GIPC2: variants seen among roughly 807,000 people sequenced by gnomAD.
GIPC2 encodes PDZ domain-containing protein GIPC2.
GIPC2 carries 30 observed loss-of-function variants against 30.6 expected under a neutral mutation model. The observed-to-expected ratio is 0.98, with a 90% CI of 0.73 to 1.33. GIPC2 has a LOEUF of 1.33. GIPC2 is among the 40% of genes most tolerant of loss of function. The pLI is 0.00. For missense variants in GIPC2, 414 were observed against 390.3 expected (o/e 1.06, Z -0.51); for synonymous variants, 167 against 150.0 (o/e 1.11, Z -0.83).
intron 3 of GIPC2, among the ~76,000 whole-genome samples, chr1:78,106,234 C>CAAA: frequency 1.9e-5 from 1 of 52,812 alleles, no homozygotes; most frequent in African/African-American, 6.7e-5. Flanking sequence ...GACTCTGTCT[C>CAAA]AAAAAAAAAA....
chr1:78,100,940 ATACACACACACACACACACAC>A (rs1662236752), intron 3 of GIPC2, among the ~76,000 whole-genome samples: 3 of 113,484 alleles, frequency 2.6e-5, no homozygotes, highest in Non-Finnish European at 5.4e-5. Context: ...AAAAAAAAAA[ATACACACACACACACACACAC>A]ACACACACAC....
At chr1:78,055,961 A>T (rs924601647) in intron 1 of GIPC2, among the ~76,000 whole-genome samples, 1 of 152,158 alleles carries the variant, frequency 6.6e-6, no homozygotes. Flanking sequence ...TGTTCTCTTT[A>T]TCTGGAAATC....
intron 5 of GIPC2, among the ~76,000 whole-genome samples, chr1:78,134,073 G>A (rs1249270328): frequency 6.6e-6 from 1 of 152,080 alleles, no homozygotes; most frequent in African/African-American, 2.4e-5. Flanking sequence ...TGGTATTTAA[G>A]AACCAAGATT....
chr1:78,135,463 T>C, intron 5 of GIPC2, 129 bp from the exon 6 acceptor site: 1 of 610,736 alleles, frequency 1.6e-6, no homozygotes, highest in East Asian at 2.8e-5. Flanking sequence ...AATTTGCATT[T>C]AATTTTGCAT....
chr1:78,056,068 C>A (rs1318268747), intron 1 of GIPC2, among the ~76,000 whole-genome samples: 1 of 152,170 alleles, frequency 6.6e-6, no homozygotes, highest in Admixed American at 6.5e-5. Context: ...GGGTTCTGTG[C>A]CTATCCTCTA....
chr1:78,091,566 A>T (rs1219719212), intron 2 of GIPC2: 4 of 757,116 alleles, frequency 5.3e-6, no homozygotes, highest in African/African-American at 5.1e-5. Flanking sequence ...TTCAGCGGCA[A>T]CCTCTCGGCC....
At chr1:78,122,513 C>A (rs1662700420) in intron 4 of GIPC2, among the ~76,000 whole-genome samples, 1 of 152,178 alleles carries the variant, frequency 6.6e-6, no homozygotes, top group South Asian at 2.1e-4. Context: ...GAAGGGGAAG[C>A]AAGGCACGTC....
chr1:78,100,927 C>CAAA (rs111747897), intron 3 of GIPC2, among the ~76,000 whole-genome samples: 4 of 98,534 alleles, frequency 4.1e-5, no homozygotes, highest in African/African-American at 1.4e-4. Flanking sequence ...GAGACCCTGT[C>CAAA]AAAAAAAAAA....
chr1:78,053,320 A>G (rs1661227999), intron 1 of GIPC2, among the ~76,000 whole-genome samples: 2 of 152,198 alleles, frequency 1.3e-5, no homozygotes, highest in South Asian at 2.1e-4. Flanking sequence ...ATTCCTGGTC[A>G]TAGAATTGCA....
intron 1 of GIPC2, among the ~76,000 whole-genome samples, chr1:78,074,017 C>T (rs1201347712): frequency 2.0e-5 from 3 of 152,108 alleles, no homozygotes; most frequent in Non-Finnish European, 4.4e-5. Context: ...GCAAGTTATT[C>T]TTCAACAACA....
intron 5 of GIPC2, 72 bp downstream of exon 5, chr1:78,126,034 C>A: frequency 1.4e-6 from 1 of 694,426 alleles, no homozygotes. Context: ...TTTATACATA[C>A]AGCCAATTAT....
chr1:78,046,381 GC>G (rs1557522870), intron 1 of GIPC2, 47 bp downstream of exon 1: 10 of 1,526,828 alleles, frequency 6.5e-6, no homozygotes, highest in Admixed American at 3.6e-5. Flanking sequence ...GCCGCGCCGC[GC>G]CGCGCCGCGC....
At chr1:78,077,911 G>A (rs1189051041) in intron 1 of GIPC2, among the ~76,000 whole-genome samples, 2 of 152,090 alleles carry the variant, frequency 1.3e-5, no homozygotes, top group African/African-American at 2.4e-5. Context: ...TATCACGGCC[G>A]GGCGCGGTGG....
intron 1 of GIPC2, among the ~76,000 whole-genome samples, chr1:78,047,029 A>G (rs1398581173): frequency 6.6e-6 from 1 of 152,224 alleles, no homozygotes; most frequent in East Asian, 1.9e-4. Context: ...AATTTTCATG[A>G]GGAAGATCAG....
intron 1 of GIPC2, chr1:78,068,990 T>C: frequency 1.3e-6 from 1 of 784,222 alleles, no homozygotes. Flanking sequence ...CCCTCTCTTT[T>C]CTAAGTGCTC....
intron 1 of GIPC2, among the ~76,000 whole-genome samples, chr1:78,052,532 A>AT (rs1196620101): frequency 2.0e-5 from 3 of 152,054 alleles, no homozygotes; most frequent in South Asian, 4.1e-4. Flanking sequence ...GTAGGTGTTA[A>AT]TTTTTTTTAT....
intron 1 of GIPC2, among the ~76,000 whole-genome samples, chr1:78,070,969 G>C (rs1260495785): frequency 6.6e-6 from 1 of 152,148 alleles, no homozygotes; most frequent in Non-Finnish European, 1.5e-5. Context: ...GTTCAGGACA[G>C]AGCTTTATAC....
At chr1:78,059,213 T>C (rs1165806982) in intron 1 of GIPC2, among the ~76,000 whole-genome samples, 1 of 152,264 alleles carries the variant, frequency 6.6e-6, no homozygotes, top group African/African-American at 2.4e-5. Context: ...CTTAGGTGGC[T>C]GGCCTGTCAT....
In GIPC2 at chr1:78,094,951, G is replaced by A. The variant is rs770530068; in HGVS notation, c.427-1G>A. On this transcript the variant is annotated splice_acceptor_variant, in intron 2 of 5. Coordinates refer to ENST00000370759, the MANE Select transcript of GIPC2 (RefSeq NM_017655.6). LOFTEE classifies it high-confidence loss of function. The stretch of plus-strand genomic sequence containing the variant: ...TTATGTTATCATCAATTTCCTTTCA[G>A]AGAATTAAAGATGGTGGTGTTATTG... 7.0e-6 allele frequency: 11 copies of A among 1,565,350 alleles called. No homozygotes were observed. In the African/African-American group the frequency reaches 1.5e-4, roughly 21 times the overall value.
Sources: allele counts gnomAD v4.1 joint callset (sites outside exome capture counted in the v4.1 genomes callset), GRCh38; gene constraint gnomAD v4.1.1; transcripts MANE v1.5; gene names NCBI Gene and HGNC (gene_info 2026-07-23, HGNC 2026-07-21).